The following NOS1AP variants were observed in gnomAD, a reference collection of about 807,000 sequenced individuals.
NOS1AP encodes nitric oxide synthase 1 adaptor protein.
In NOS1AP, 21 loss-of-function variants were observed where a neutral mutation model predicts 56.2. The ratio of observed to expected loss-of-function variants is 0.37; its 90% CI spans 0.26 to 0.54. The LOEUF is 0.54. Among genes scored for constraint, NOS1AP ranks in the 20% least tolerant of loss-of-function variants. NOS1AP has a pLI of 0.84. For missense variants in NOS1AP, 522 were observed against 657.8 expected (o/e 0.79, Z 2.26); for synonymous variants, 270 against 274.6 (o/e 0.98, Z 0.17).
At chr1:162,261,692 G>A (rs61808496) in intron 2 of NOS1AP, among the ~76,000 whole-genome samples, 55,963 of 152,012 alleles carry the variant, frequency 0.37, 13,151 homozygotes, top group Non-Finnish European at 0.53. Flanking sequence ...ATAGCCTCCA[G>A]AAGGAACGCA....
chr1:162,300,516 C>G, intron 3 of NOS1AP, 117 bp from the exon 4 acceptor site: 1 of 865,014 alleles, frequency 1.2e-6, no homozygotes, highest in Non-Finnish European at 2.0e-6. Context: ...AACTCCAGGC[C>G]TCTTAGAGGG....
chr1:162,279,149 G>A (rs1488799624), intron 2 of NOS1AP, among the ~76,000 whole-genome samples: 1 of 152,178 alleles, frequency 6.6e-6, no homozygotes, highest in African/African-American at 2.4e-5. Flanking sequence ...GCTGAAAGCA[G>A]CAGATGATTG....
intron 5 of NOS1AP, chr1:162,338,809 C>G (rs1657017365): frequency 6.6e-6 from 1 of 152,168 alleles, no homozygotes; most frequent in South Asian, 2.1e-4. Context: ...CTAAAGCTAC[C>G]ACTGTCGGCT....
chr1:162,344,051 A>AC, intron 6 of NOS1AP, 75 bp downstream of exon 6: 3 of 1,515,926 alleles, frequency 2.0e-6, no homozygotes, highest in Non-Finnish European at 9.1e-7. Context: ...CACTGCCCTG[A>AC]CCCCCAGGCT....
chr1:162,276,259 A>G (rs1287327796), intron 2 of NOS1AP, among the ~76,000 whole-genome samples: 1 of 152,166 alleles, frequency 6.6e-6, no homozygotes, highest in Non-Finnish European at 1.5e-5. Context: ...TCTTCACCCA[A>G]GTTCATTTGT....
At chr1:162,165,397 C>T (rs541940447) in intron 2 of NOS1AP, among the ~76,000 whole-genome samples, 3 of 152,304 alleles carry the variant, frequency 2.0e-5, no homozygotes, top group East Asian at 3.9e-4. Context: ...GTACAGACTG[C>T]ACTATGTGCT....
At chr1:162,100,771 TTTAA>T in intron 1 of NOS1AP, among the ~76,000 whole-genome samples, 1 of 152,312 alleles carries the variant, frequency 6.6e-6, no homozygotes, top group East Asian at 1.9e-4. Context: ...TTGGTCACTT[TTTAA>T]TTAGGTCATT....
intron 2 of NOS1AP, among the ~76,000 whole-genome samples, chr1:162,234,041 A>G (rs945121524): frequency 6.6e-6 from 1 of 152,244 alleles, no homozygotes; most frequent in South Asian, 2.1e-4. Context: ...TTAACACCCA[A>G]GGAATTTAAA....
chr1:162,215,930 A>G (rs751133776), intron 2 of NOS1AP, among the ~76,000 whole-genome samples: 1 of 152,196 alleles, frequency 6.6e-6, no homozygotes, highest in Non-Finnish European at 1.5e-5. Context: ...TCTCATGCAC[A>G]TATCCTTCAT....
chr1:162,364,415 G>A (rs1006753251), intron 8 of NOS1AP: 25 of 985,328 alleles, frequency 2.5e-5, no homozygotes, highest in South Asian at 2.3e-4. Context: ...TCACATATGT[G>A]TGAACACTGG....
Position 162,333,088 on chromosome 1 carries a change from A to T in NOS1AP, c.416A>T (p.Asn139Ile). Residue 139 changes from asparagine to isoleucine, a missense_variant, in exon 5 of 10, where the codon AAT becomes ATT. This residue lies in a region of NOS1AP where 132 missense variants were observed against 218.1 expected (regional missense o/e 0.61). Coordinates refer to ENST00000361897, the MANE Select transcript of NOS1AP (RefSeq NM_014697.3). ...FSYIARDGAS[N>I]IFRCNVFKSK... The stretch of plus-strand genomic sequence containing the variant: ...TATATCGCTCGAGATGGTGCCAGCA[A>T]TATCTTCAGGTGTAACGTCTTTAAA... The T allele has an allele frequency of 6.2e-7, 1 of 1,613,870 alleles. No individual in the cohort carries two copies. The highest frequency in any genetic ancestry group is 8.5e-7 in the Non-Finnish European group (1 of 1,179,808).
In NOS1AP at chr1:162,235,492, A is replaced by T. The variant is rs1345896447; in HGVS notation, c.178-51852A>T. Reference sequence around the variant, plus strand: ...TGTTGCGCATACCTGGAAAGGGGCCATGGGGAGCCTCGTCAAGGCTGACTT... The same window carrying T: ...TGTTGCGCATACCTGGAAAGGGGCCTTGGGGAGCCTCGTCAAGGCTGACTT... On this transcript the variant is annotated intron_variant, in intron 2 of 9. Transcript: ENST00000361897. Among the ~76,000 whole-genome samples, 4 of 152,176 alleles carry T rather than the reference A, an allele frequency of 2.6e-5. 1 individual carries two copies. Among genetic ancestry groups the T allele is most frequent in the African/African-American group, 9.6e-5 (4 of 41,458 alleles).
At chr1:162,290,864 T>A (rs1187705150) in intron 3 of NOS1AP, among the ~76,000 whole-genome samples, 1 of 152,230 alleles carries the variant, frequency 6.6e-6, no homozygotes, top group Non-Finnish European at 1.5e-5. Context: ...CATGTTATTT[T>A]GCCTCTCTCA....
intron 5 of NOS1AP, 41 bp from the exon 6 acceptor site, chr1:162,343,794 G>A (rs372665811): frequency 2.0e-5 from 32 of 1,612,708 alleles, no homozygotes; most frequent in African/African-American, 6.7e-5. Flanking sequence ...TGCCCCTTGC[G>A]CATCCTCACC....
At position 162,144,912 on chromosome 1, in the gene NOS1AP, C is replaced by T. The variant is rs73026924; in HGVS notation, c.106-9493C>T. On this transcript the variant is annotated intron_variant, in intron 1 of 9. Transcript: ENST00000361897. Reference sequence around the variant, plus strand: ...GAAAGACACAGCCTCCCCATGGGCACGCTGGTTGGATCGTTCTGTCTTACC... The same window carrying T: ...GAAAGACACAGCCTCCCCATGGGCATGCTGGTTGGATCGTTCTGTCTTACC... Among the ~76,000 whole-genome samples the T allele has an allele frequency of 6.2e-3, 940 of 152,254 alleles. 9 individuals carry two copies. Among genetic ancestry groups the T allele is most frequent in the African/African-American group, 0.022 (902 of 41,542 alleles).
At chr1:162,077,346 C>T (rs1461048311) in intron 1 of NOS1AP, among the ~76,000 whole-genome samples, 1 of 149,928 alleles carries the variant, frequency 6.7e-6, no homozygotes, top group Non-Finnish European at 1.5e-5. Context: ...GAAGCAGACT[C>T]AGAGAAAAAA....
chr1:162,234,584 C>T (rs986739632), intron 2 of NOS1AP, among the ~76,000 whole-genome samples: 2 of 152,154 alleles, frequency 1.3e-5, no homozygotes, highest in South Asian at 2.1e-4. Flanking sequence ...GTCTCTTCCT[C>T]TCTATGTGTC....
intron 1 of NOS1AP, among the ~76,000 whole-genome samples, chr1:162,153,370 C>CAA: frequency 1.3e-5 from 2 of 152,132 alleles, no homozygotes; most frequent in Non-Finnish European, 2.9e-5. Context: ...CTCAAGTGGT[C>CAA]TCCTTGCCTC....
At chr1:162,233,773 A>G (rs959668311) in intron 2 of NOS1AP, among the ~76,000 whole-genome samples, 19 of 152,170 alleles carry the variant, frequency 1.2e-4, no homozygotes, top group Admixed American at 6.5e-4. Flanking sequence ...TGTGGCCAGG[A>G]CTTGTGAGGA....
Sources: allele counts gnomAD v4.1 joint callset (sites outside exome capture counted in the v4.1 genomes callset), GRCh38; gene constraint gnomAD v4.1.1; regional missense constraint gnomAD v4.1.1; transcripts MANE v1.5; gene names NCBI Gene and HGNC (gene_info 2026-07-23, HGNC 2026-07-21).